The following ARHGAP28 variants were observed in gnomAD, a reference collection of about 807,000 sequenced individuals.
ARHGAP28 encodes Rho GTPase activating protein 28, also known as rho GTPase-activating protein 28.
ARHGAP28 carries 56 observed loss-of-function variants against 90.7 expected under a neutral mutation model. The observed-to-expected ratio is 0.62, with a 90% confidence interval of 0.50 to 0.77. The LOEUF (loss-of-function observed/expected upper bound fraction) is 0.77, where lower values mean the gene tolerates loss of function less well. Ranked by LOEUF, ARHGAP28 falls within the 30% of genes least tolerant of loss-of-function variation. The pLI, the probability that ARHGAP28 is intolerant of heterozygous loss-of-function variation, is 0.00. For synonymous variants in ARHGAP28, 308 were observed against 323.3 expected (o/e 0.95, Z 0.51); for missense variants, 869 against 900.9 (o/e 0.96, Z 0.45).
chr18:6,752,391 G>T (rs1475512462), intron 1 of ARHGAP28, among the ~76,000 whole-genome samples: 1 of 152,138 alleles, frequency 6.6e-6, no homozygotes, highest in Non-Finnish European at 1.5e-5. Context: ...AAGCAAAACA[G>T]ACCTTCCTGC....
chr18:6,763,269 G>T (rs2056176292), intron 1 of ARHGAP28, among the ~76,000 whole-genome samples: 1 of 152,040 alleles, frequency 6.6e-6, no homozygotes. Flanking sequence ...TTTTAGTAAA[G>T]ATGGGGTTTC....
At chr18:6,891,848 C>T (rs2057268169) in intron 14 of ARHGAP28, among the ~76,000 whole-genome samples, 1 of 152,144 alleles carries the variant, frequency 6.6e-6, no homozygotes, top group African/African-American at 2.4e-5. Context: ...CCACTTCGGC[C>T]TCCCAAAGTG....
In ARHGAP28 at chr18:6,915,125, T is replaced by C. The variant is rs770692357; in HGVS notation, c.*2971T>C. The C allele has an allele frequency of 2.6e-5, 4 of 152,246 alleles. No homozygotes were observed. The highest frequency in any genetic ancestry group is 4.4e-5 in the Non-Finnish European group (3 of 68,032). The allele number at this position is 152,246 out of a possible 1,614,324, so 9.4% of individuals were successfully genotyped here. A position where few individuals can be genotyped will look rare whatever the true frequency, so the allele number is the denominator to read the frequency against. ...TTCAGCAAAGCTTTAAAACCAGAAA[T>C]ACTGTGTAACTGTGATCTATGTGGT... On this transcript the variant is annotated 3_prime_UTR_variant, in exon 18 of 18. Transcript: ENST00000383472.
intron 16 of ARHGAP28, chr18:6,897,613 G>A (rs1333219779): frequency 2.6e-5 from 4 of 152,198 alleles, no homozygotes; most frequent in Non-Finnish European, 4.4e-5. Flanking sequence ...TTAAAATGAA[G>A]CATTCCAATC....
intron 5 of ARHGAP28, among the ~76,000 whole-genome samples, chr18:6,866,770 G>GT (rs2057041117): frequency 6.6e-6 from 1 of 152,166 alleles, no homozygotes; most frequent in South Asian, 2.1e-4. Context: ...CTAGGGGCCA[G>GT]TAAAACTGTC....
chr18:6,910,481 T>C (rs2057390084), intron 17 of ARHGAP28, among the ~76,000 whole-genome samples: 1 of 152,114 alleles, frequency 6.6e-6, no homozygotes, highest in Non-Finnish European at 1.5e-5. Context: ...CAGGGTTGGA[T>C]CTGGGGCCTC....
intron 1 of ARHGAP28, among the ~76,000 whole-genome samples, chr18:6,761,457 A>G (rs1600160213): frequency 6.6e-6 from 1 of 152,160 alleles, no homozygotes; most frequent in East Asian, 1.9e-4. Flanking sequence ...CAGATCTTGG[A>G]GTCTAGCCCA....
chr18:6,841,208 C>CTCCTCT (rs1555631529), intron 3 of ARHGAP28, among the ~76,000 whole-genome samples: 5 of 43,134 alleles, frequency 1.2e-4, no homozygotes, highest in African/African-American at 4.6e-4. Context: ...TCTCTCCTCT[C>CTCCTCT]CTCTCTCTCT....
chr18:6,772,535 C>A (rs927131095), intron 1 of ARHGAP28, among the ~76,000 whole-genome samples: 2 of 152,128 alleles, frequency 1.3e-5, no homozygotes, highest in Admixed American at 6.5e-5. Flanking sequence ...GTATTCAATA[C>A]ATTATATGAG....
At chr18:6,760,963 T>C (rs1158684518) in intron 1 of ARHGAP28, among the ~76,000 whole-genome samples, 4 of 152,222 alleles carry the variant, frequency 2.6e-5, no homozygotes, top group Admixed American at 1.3e-4. Flanking sequence ...TATGGGAAGA[T>C]GAGATCGTGG....
Position 6,837,194 on chromosome 18 carries a change from CAGA to C in ARHGAP28, c.326_328del (p.Glu109del). 6.5e-7 allele frequency: 1 copy of C among 1,543,762 alleles called. No individual in the cohort carries two copies. Among genetic ancestry groups the C allele is most frequent in the Non-Finnish European group, 8.7e-7 (1 of 1,147,444 alleles). On this transcript the variant is annotated splice_acceptor_variant and coding_sequence_variant, in exon 3 of 18. Transcript: ENST00000383472. LOFTEE classifies it high-confidence loss of function. ...ACCCTCTCTTGGTAATGTTCTTTCACAGAAGGAGAACTTGAAGCAGAATGGCTG... is the reference window on the plus strand; with the variant it reads ...ACCCTCTCTTGGTAATGTTCTTTCACAGGAGAACTTGAAGCAGAATGGCTG...
chr18:6,869,306 G>A (rs1040190479), intron 6 of ARHGAP28, among the ~76,000 whole-genome samples: 52 of 134,788 alleles, frequency 3.9e-4, no homozygotes, highest in African/African-American at 1.4e-3. Flanking sequence ...TGTCACTCAG[G>A]CTGGAGTGCA....
chr18:6,744,959 CTTAAT>C (rs953821287), intron 1 of ARHGAP28, among the ~76,000 whole-genome samples: 15 of 151,582 alleles, frequency 9.9e-5, no homozygotes, highest in East Asian at 9.6e-4. Flanking sequence ...TTCATTTATA[CTTAAT>C]TTAATTATAT....
chr18:6,894,625 A>G (rs1171829283), intron 14 of ARHGAP28, among the ~76,000 whole-genome samples: 1 of 152,250 alleles, frequency 6.6e-6, no homozygotes, highest in Non-Finnish European at 1.5e-5. Flanking sequence ...GTCAGCAAAC[A>G]AACATCTATA....
intron 1 of ARHGAP28, among the ~76,000 whole-genome samples, chr18:6,798,155 A>T (rs2056455864): frequency 6.6e-6 from 1 of 152,212 alleles, no homozygotes; most frequent in Non-Finnish European, 1.5e-5. Context: ...ACCTCCATCT[A>T]CATATAATCA....
chr18:6,879,328 A>G (rs538870035), intron 10 of ARHGAP28, among the ~76,000 whole-genome samples: 2 of 152,150 alleles, frequency 1.3e-5, no homozygotes, highest in Non-Finnish European at 2.9e-5. Context: ...TTTTATAATT[A>G]CCTCACCTGG....
intron 3 of ARHGAP28, among the ~76,000 whole-genome samples, chr18:6,845,302 C>T (rs1465098954): frequency 6.6e-6 from 1 of 152,174 alleles, no homozygotes; most frequent in Non-Finnish European, 1.5e-5. Flanking sequence ...TGGTCTCAGA[C>T]TCCTAGCCTC....
intron 11 of ARHGAP28, among the ~76,000 whole-genome samples, chr18:6,886,163 T>C (rs1274044620): frequency 7.2e-5 from 11 of 152,194 alleles, no homozygotes; most frequent in Non-Finnish European, 1.3e-4. Flanking sequence ...TCCACTGCTA[T>C]ACAGCTCAGT....
chr18:6,735,621 T>C (rs1461036854), intron 1 of ARHGAP28, among the ~76,000 whole-genome samples: 5 of 151,768 alleles, frequency 3.3e-5, no homozygotes, highest in African/African-American at 1.2e-4. Flanking sequence ...GTGGTCTGAT[T>C]ATGGCTCACT....
Sources: gnomAD v4.1 joint callset for allele counts (sites outside exome capture counted in the v4.1 genomes callset) on GRCh38, gnomAD v4.1.1 for gene constraint, MANE v1.5 for transcripts, NCBI Gene and HGNC (gene_info 2026-07-23, HGNC 2026-07-21) for gene names.